GOLGA6L7: variants seen among roughly 807,000 people sequenced by gnomAD.
GOLGA6L7 encodes the protein golgin subfamily A member 6-like protein 7.
A neutral mutation model predicts 68.9 loss-of-function variants in GOLGA6L7; 29 were observed. The observed-to-expected ratio is 0.42, with a 90% CI of 0.31 to 0.57. The LOEUF (loss-of-function observed/expected upper bound fraction) is 0.57. Among genes scored for constraint, GOLGA6L7 ranks in the 20% least tolerant of loss-of-function variants. The pLI is 0.13. For synonymous variants in GOLGA6L7, 133 were observed against 197.4 expected (o/e 0.67, Z 2.73); for missense variants, 396 against 588.4 (o/e 0.67, Z 3.38).
At position 28,844,104 on chromosome 15, in the gene GOLGA6L7, C is replaced by T. The variant is rs2030319374; in HGVS notation, c.521+101G>A. On this transcript the variant is annotated intron_variant, in intron 7 of 8. Transcript: ENST00000567390. ...AGCTTCCCTGCACACACATGTAAACCTGTATGACCCCCTACCATGCTCACC... is the reference window on the plus strand; with the variant it reads ...AGCTTCCCTGCACACACATGTAAACTTGTATGACCCCCTACCATGCTCACC... 8 of 538,588 alleles carry T rather than the reference C, an allele frequency of 1.5e-5. No homozygotes were observed. The South Asian group carries it at 2.3e-4, about 15-fold the overall frequency. 33.4% of individuals were successfully genotyped at this position (538,588 alleles called of 1,614,324 possible).
In GOLGA6L7 at chr15:28,847,124, TTTC is replaced by T. The variant is rs757077325; in HGVS notation, c.117_119del (p.Lys40del). The T allele has an allele frequency of 2.3e-5, 28 of 1,196,336 alleles. No individual in the cohort carries two copies. The highest frequency in any genetic ancestry group is 2.3e-4 in the Middle Eastern group (1 of 4,368). 74.1% of individuals were successfully genotyped at this position (1,196,336 alleles called of 1,614,324 possible). A position where few individuals can be genotyped will look rare whatever the true frequency, so the allele number is the denominator to read the frequency against. On this transcript the variant is annotated inframe_deletion, in exon 2 of 9. Transcript: ENST00000567390. ...TCTCAGGGTTAGCGCCATGATTTAT[TTTC>T]TTCTTTTTGGTGTCGGTTGCTCCGG...
chr15:28,842,681 C>G lies in GOLGA6L7; in HGVS notation c.1423G>C (p.Glu475Gln). The G allele has an allele frequency of 7.6e-7, 1 of 1,307,580 alleles. No homozygotes were observed. 81.0% of individuals were successfully genotyped at this position (1,307,580 alleles called of 1,614,324 possible). A position where few individuals can be genotyped will look rare whatever the true frequency, so the allele number is the denominator to read the frequency against. The change falls in exon 9 of 9, where the codon GAG (glutamate) becomes CAG (glutamine). Residue 475 changes from glutamate to glutamine, a missense_variant. By Grantham distance (29) the Glu-to-Gln change is conservative. Coordinates refer to ENST00000567390, the MANE Select transcript of GOLGA6L7 (RefSeq NM_001365371.2). ...TCCTCCTGCTCCCCCATCTGCTCCT[C>G]CTGCTTCCTCATCTGCTCCTCCTGC... ...GEQEEQMRKQ[E>Q]EQMGEQEEQM...
At chr15:28,845,071 GT>G (rs1484933573) in intron 6 of GOLGA6L7, 1 of 295,928 alleles carries the variant, frequency 3.4e-6, no homozygotes, top group Non-Finnish European at 6.5e-6. Flanking sequence ...TCTCTCCTGA[GT>G]TTTTTATGAA....
intron 1 of GOLGA6L7, among the ~76,000 whole-genome samples, 199 bp downstream of exon 1, chr15:28,848,300 G>A (rs1011303454): frequency 3.3e-5 from 5 of 152,066 alleles, no homozygotes; most frequent in African/African-American, 9.7e-5. Context: ...AGTCACCCTG[G>A]GGTGACCGGT....
intron 6 of GOLGA6L7, 186 bp downstream of exon 6, chr15:28,845,343 C>T (rs1434006379): frequency 1.5e-6 from 1 of 685,650 alleles, no homozygotes. Context: ...CCACAGCGCC[C>T]CGCAACTCAC....
Position 28,843,496 on chromosome 15 carries a change from G to T in GOLGA6L7, c.664-56C>A, listed in dbSNP as rs58574963. 171 of 465,172 alleles carry T rather than the reference G, an allele frequency of 3.7e-4. 2 individuals carry two copies. The highest frequency in any genetic ancestry group is 2.4e-3 in the Middle Eastern group (7 of 2,966). The allele number at this position is 465,172 out of a possible 1,614,324, so 28.8% of individuals were successfully genotyped here. On this transcript the variant is annotated intron_variant, in intron 8 of 8. Coordinates refer to ENST00000567390, the MANE Select transcript of GOLGA6L7 (RefSeq NM_001365371.2). ...ATATAAATGTAATCTATAAAATAAC[G>T]GTTTTCGTCTATGATTCTTTAAAAA...
At chr15:28,845,237 G>A (rs1240003473) in intron 6 of GOLGA6L7, 2 of 540,310 alleles carry the variant, frequency 3.7e-6, no homozygotes, top group African/African-American at 1.9e-5. Context: ...CATGGTACAA[G>A]TACCCTCAAC....
In GOLGA6L7 at chr15:28,843,761, C is replaced by T. The variant is rs1475766801; in HGVS notation, c.636G>A (p.Leu212=). ...QLHIKELKRK[L]ETDKIPLPQV... is the part of the protein sequence containing the mutation. Reference sequence around the variant, plus strand: ...GTGGCAGCGGGATTTTGTCCGTCTCCAGTTTCCTTTTTAGCTCCTTGATGT... The same window carrying T: ...GTGGCAGCGGGATTTTGTCCGTCTCTAGTTTCCTTTTTAGCTCCTTGATGT... Residue 212 remains leucine, a synonymous_variant, in exon 8 of 9, where the codon CTG becomes CTA. Coordinates refer to ENST00000567390, the MANE Select transcript of GOLGA6L7 (RefSeq NM_001365371.2). 44 of 663,672 alleles carry T rather than the reference C, an allele frequency of 6.6e-5. 1 individual carries two copies. In the East Asian group the frequency reaches 1.2e-3, roughly 17 times the overall value. 41.1% of individuals were successfully genotyped at this position (663,672 alleles called of 1,614,324 possible). A position where few individuals can be genotyped will look rare whatever the true frequency, so the allele number is the denominator to read the frequency against.
At chr15:28,844,010 T>A (rs2030315991) in intron 7 of GOLGA6L7, 135 bp from the exon 8 acceptor site, 1 of 598,304 alleles carries the variant, frequency 1.7e-6, no homozygotes, top group Non-Finnish European at 2.9e-6. Context: ...AAGTCCCAGG[T>A]GGCAGGCCAG....
chr15:28,847,512 T>C (rs1169581228), intron 1 of GOLGA6L7, among the ~76,000 whole-genome samples: 4 of 152,138 alleles, frequency 2.6e-5, no homozygotes, highest in African/African-American at 9.7e-5. Context: ...TTTACAGTCG[T>C]ACATCCTCTT....
chr15:28,847,900 G>C (rs4037366), intron 1 of GOLGA6L7, among the ~76,000 whole-genome samples: 14 of 132,382 alleles, frequency 1.1e-4, no homozygotes, highest in African/African-American at 3.7e-4. Flanking sequence ...ATGAAGTGGA[G>C]AACTTAGAAA....
chr15:28,844,346 C>G, intron 6 of GOLGA6L7, 83 bp from the exon 7 acceptor site: 1 of 426,730 alleles, frequency 2.3e-6, no homozygotes, highest in Non-Finnish European at 4.1e-6. Context: ...CACTGATACT[C>G]CACAGTAACA....
In GOLGA6L7 at chr15:28,842,178, G is replaced by A. The variant is rs3862422; in HGVS notation, c.*57C>T. The A allele has an allele frequency of 0.069, 82,614 of 1,204,748 alleles. 8,468 individuals carry two copies. The highest frequency in any genetic ancestry group is 0.45 in the African/African-American group (28,344 of 62,944). The allele number at this position is 1,204,748 out of a possible 1,614,324, so 74.6% of individuals were successfully genotyped here. A position where few individuals can be genotyped will look rare whatever the true frequency, so the allele number is the denominator to read the frequency against. ...TTTTTTTCAAGTTTGTTCTCAGACTGTATTCACAAGGTCACATGGCGGCTT... is the reference window on the plus strand; with the variant it reads ...TTTTTTTCAAGTTTGTTCTCAGACTATATTCACAAGGTCACATGGCGGCTT... On this transcript the variant is annotated 3_prime_UTR_variant, in exon 9 of 9. Transcript: ENST00000567390.
chr15:28,845,984 T>C (rs2030412792), intron 3 of GOLGA6L7, 34 bp from the exon 4 acceptor site: 1 of 1,073,600 alleles, frequency 9.3e-7, no homozygotes, highest in South Asian at 1.3e-5. Flanking sequence ...GAGCTCTTAC[T>C]AGAGGGAGGC....
rs1323547931 is a variant in GOLGA6L7, at chr15:28,843,245, T to C, written c.859A>G (p.Lys287Glu). The C allele has an allele frequency of 2.4e-6, 3 of 1,263,922 alleles. No homozygotes were observed. Among genetic ancestry groups the C allele is most frequent in the Non-Finnish European group, 3.0e-6 (3 of 995,746 alleles). The allele number at this position is 1,263,922 out of a possible 1,614,324, so 78.3% of individuals were successfully genotyped here. A position where few individuals can be genotyped will look rare whatever the true frequency, so the allele number is the denominator to read the frequency against. The change falls in exon 9 of 9, where the codon AAG becomes GAG. Residue 287 changes from lysine (K) to glutamate (E), a missense_variant. Lys to Glu is a moderately conservative substitution (Grantham distance 56). This residue lies in a region of GOLGA6L7 where 114 missense variants were observed against 186.0 expected (regional missense o/e 0.61). Coordinates refer to ENST00000567390, the MANE Select transcript of GOLGA6L7 (RefSeq NM_001365371.2). Reference sequence around the variant, plus strand: ...TGCTTCCGCATCTGCTCCTCCTGCTTCCGCATCTGCTCCTCCTGCTCCTGC... The same window carrying C: ...TGCTTCCGCATCTGCTCCTCCTGCTCCCGCATCTGCTCCTCCTGCTCCTGC... Reference protein sequence around the residue: ...QMQEQEEQMRKQEEQMRKQEE... With the variant: ...QMQEQEEQMREQEEQMRKQEE...
At position 28,845,510 on chromosome 15, in the gene GOLGA6L7, G is replaced by T. The variant is rs1595357119; in HGVS notation, c.462+19C>A. ...GCGAAGCTGGGCTCCCAGGGGACCGGGTAGGTGGTTGGACTCACCTTGTCC... is the reference window on the plus strand; with the variant it reads ...GCGAAGCTGGGCTCCCAGGGGACCGTGTAGGTGGTTGGACTCACCTTGTCC... On this transcript the variant is annotated intron_variant, in intron 6 of 8. Transcript: ENST00000567390. 1.4e-6 allele frequency: 1 copy of T among 704,418 alleles called. No individual in the cohort carries two copies. Among genetic ancestry groups the T allele is most frequent in the Non-Finnish European group, 2.6e-6 (1 of 386,984 alleles). 43.6% of individuals were successfully genotyped at this position (704,418 alleles called of 1,614,324 possible).
intron 6 of GOLGA6L7, chr15:28,845,223 C>A: frequency 4.1e-6 from 2 of 492,818 alleles, no homozygotes; most frequent in Non-Finnish European, 7.4e-6. Flanking sequence ...CTCTTCTGTA[C>A]CTTCATGGTA....
At chr15:28,843,688 C>T (rs2141052166) in intron 8 of GOLGA6L7, 46 bp downstream of exon 8, 1 of 627,084 alleles carries the variant, frequency 1.6e-6, no homozygotes, top group East Asian at 2.7e-5. Context: ...TAGACCATGT[C>T]CCAGCCGGAT....
chr15:28,846,112 GCCTT>G (rs2030417206), intron 3 of GOLGA6L7, 104 bp downstream of exon 3: 1 of 726,762 alleles, frequency 1.4e-6, no homozygotes. Context: ...TGGGAGGTGA[GCCTT>G]CCTCCCCAAG....
Sources: allele counts gnomAD v4.1 joint callset (sites outside exome capture counted in the v4.1 genomes callset), GRCh38; gene constraint gnomAD v4.1.1; regional missense constraint gnomAD v4.1.1; transcripts MANE v1.5; gene names NCBI Gene and HGNC (gene_info 2026-07-23, HGNC 2026-07-21).